The following TIPIN variants were observed in gnomAD, a reference collection of about 807,000 sequenced individuals.
The protein encoded by TIPIN is TIMELESS-interacting protein.
Under a neutral mutation model 35.6 loss-of-function variants are expected in TIPIN, and 29 were observed. That is an observed-to-expected ratio of 0.82 (90% CI 0.61 to 1.11). The LOEUF (loss-of-function observed/expected upper bound fraction) is 1.11, where lower values mean the gene tolerates loss of function less well. Ranked by LOEUF, TIPIN falls within the 50% of genes most tolerant of loss-of-function variation. TIPIN has a pLI of 0.00. For synonymous variants in TIPIN, 102 were observed against 121.5 expected, an observed-to-expected ratio of 0.84 and a Z score of 1.06; for missense variants, 296 against 345.4, an observed-to-expected ratio of 0.86 and a Z score of 1.13.
intron 2 of TIPIN, 123 bp from the exon 3 acceptor site, chr15:66,352,330 A>T: frequency 4.1e-6 from 3 of 724,096 alleles, no homozygotes; most frequent in Non-Finnish European, 6.7e-6. Flanking sequence ...ACAGGGTCTC[A>T]CTCTGTTGCC....
At chr15:66,344,814 C>A (rs1228656397) in intron 6 of TIPIN, among the ~76,000 whole-genome samples, 2 of 152,120 alleles carry the variant, frequency 1.3e-5, no homozygotes, top group Non-Finnish European at 2.9e-5. Context: ...GGCTGCAGAG[C>A]TATGATCATG....
At position 66,344,679 on chromosome 15, in the gene TIPIN, T is replaced by C. The variant is rs535486902; in HGVS notation, c.476-3323A>G. ...CAGCCTGCAAAACATAGGGAGACCCTTTCTCTACAAAAAAAAAAAGAAAAA... is the reference window on the plus strand; with the variant it reads ...CAGCCTGCAAAACATAGGGAGACCCCTTCTCTACAAAAAAAAAAAGAAAAA... On this transcript the variant is annotated intron_variant, in intron 6 of 7. Transcript: ENST00000261881. Among the ~76,000 whole-genome samples, 221 of 148,652 alleles carry C rather than the reference T, an allele frequency of 1.5e-3. 1 individual carries two copies. The highest frequency in any genetic ancestry group is 5.3e-3 in the African/African-American group (210 of 39,984).
chr15:66,342,121 C>T (rs28702664), intron 6 of TIPIN, among the ~76,000 whole-genome samples: 14,219 of 141,822 alleles, frequency 0.1, 875 homozygotes, highest in East Asian at 0.35. Context: ...ACCCGGGAGG[C>T]GGAGGCAGCA....
chr15:66,360,301 C>A (rs953786192), upstream of TIPIN, among the ~76,000 whole-genome samples: 10 of 152,000 alleles, frequency 6.6e-5, no homozygotes, highest in African/African-American at 2.4e-4. Flanking sequence ...ATGTTTCACC[C>A]TTTCAGAAAA....
chr15:66,355,178 C>G (rs1000582325), intron 1 of TIPIN, among the ~76,000 whole-genome samples: 1 of 151,566 alleles, frequency 6.6e-6, no homozygotes, highest in Non-Finnish European at 1.5e-5. Flanking sequence ...GGACTACAGG[C>G]GCCTGCCACC....
intron 1 of TIPIN, among the ~76,000 whole-genome samples, chr15:66,381,163 C>T (rs192513185): frequency 1.1e-4 from 16 of 152,134 alleles, no homozygotes; most frequent in East Asian, 3.9e-4. Flanking sequence ...CGGCCGGGCA[C>T]GGTGGCTCAC....
chr15:66,377,012 G>A lies in TIPIN; in HGVS notation c.-9+9595C>T, dbSNP rs566522125. On this transcript the variant is annotated intron_variant, in intron 1 of 7. Coordinates refer to the TIPIN transcript ENST00000562124. Reference sequence around the variant, plus strand: ...AATACCAGTTACTCAGAAGGCTGAGGCAGGAGAATCGCTTGAACCCGTGAG... The same window carrying A: ...AATACCAGTTACTCAGAAGGCTGAGACAGGAGAATCGCTTGAACCCGTGAG... Among the ~76,000 whole-genome samples, 20 of 149,570 alleles carry A rather than the reference G, an allele frequency of 1.3e-4. No homozygotes were observed. In the South Asian group the frequency reaches 3.8e-3, roughly 29 times the overall value.
At chr15:66,383,264 CA>C (rs931718507) in intron 1 of TIPIN, among the ~76,000 whole-genome samples, 1 of 144,814 alleles carries the variant, frequency 6.9e-6, no homozygotes, top group Non-Finnish European at 1.5e-5. Flanking sequence ...TGAAAAGTTT[CA>C]ATTTTTTTTT....
chr15:66,373,757 C>T (rs1377426726), intron 1 of TIPIN, among the ~76,000 whole-genome samples: 1 of 152,014 alleles, frequency 6.6e-6, no homozygotes, highest in African/African-American at 2.4e-5. Context: ...GAGTGGAGTG[C>T]AATAGTAGGA....
chr15:66,354,375 T>A (rs1184958580), intron 1 of TIPIN, among the ~76,000 whole-genome samples: 1 of 152,218 alleles, frequency 6.6e-6, no homozygotes, highest in African/African-American at 2.4e-5. Flanking sequence ...TTCCTTCCCC[T>A]ATCCCACAGA....
chr15:66,369,353 C>T (rs12898888), intron 1 of TIPIN, among the ~76,000 whole-genome samples: 8,009 of 118,604 alleles, frequency 0.068, 341 homozygotes, highest in Middle Eastern at 0.15. Context: ...TTCACAATAT[C>T]TTTTTTTTTT....
chr15:66,366,809 G>C, intron 1 of TIPIN: 1 of 964,224 alleles, frequency 1.0e-6, no homozygotes, highest in Non-Finnish European at 1.2e-6. Context: ...AAAAGAAAAA[G>C]AAAAGAAATT....
chr15:66,338,813 C>CAAAAAAAA (rs35966273), intron 7 of TIPIN, among the ~76,000 whole-genome samples: 4 of 35,260 alleles, frequency 1.1e-4, no homozygotes, highest in Non-Finnish European at 1.6e-4. Context: ...GACTCCGTCT[C>CAAAAAAAA]AAAAAAAAAA....
At position 66,341,355 on chromosome 15, in the gene TIPIN, A is replaced by C; in HGVS notation, c.477T>G (p.Asp159Glu). Reference sequence around the variant, plus strand: ...CATGTTCATTATTCTCCGCAACTTCATCTGCAATAGAAAAGAAATAGTACA... The same window carrying C: ...CATGTTCATTATTCTCCGCAACTTCCTCTGCAATAGAAAAGAAATAGTACA... Reference protein sequence around the residue: ...ILHEDFVSNNDEVAENNEHDV... With the variant: ...ILHEDFVSNNEEVAENNEHDV... Residue 159 changes from aspartate (D) to glutamate (E), a missense_variant and splice_region_variant, in exon 7 of 8, where the codon GAT becomes GAG. Physicochemically the swap from Asp to Glu is conservative, Grantham distance 45. Coordinates refer to ENST00000261881, the MANE Select transcript of TIPIN (RefSeq NM_017858.3). The C allele has an allele frequency of 6.2e-7, 1 of 1,609,818 alleles. No individual in the cohort carries two copies. Among genetic ancestry groups the C allele is most frequent in the Non-Finnish European group, 8.5e-7 (1 of 1,177,660 alleles).
At chr15:66,350,325 G>T (rs1005464802) in intron 4 of TIPIN, among the ~76,000 whole-genome samples, 1 of 152,082 alleles carries the variant, frequency 6.6e-6, no homozygotes, top group African/African-American at 2.4e-5. Context: ...AATAAAGTTG[G>T]CCAGGCGCAG....
chr15:66,353,595 G>A (rs1365014290), intron 1 of TIPIN, among the ~76,000 whole-genome samples: 3 of 144,074 alleles, frequency 2.1e-5, no homozygotes, highest in Admixed American at 7.0e-5. Flanking sequence ...CAGCCTGGGC[G>A]ACAGACCAAC....
chr15:66,359,154 AACACACACACACACACACAGACACAC>A (rs1429506612), upstream of TIPIN, among the ~76,000 whole-genome samples: 3 of 134,856 alleles, frequency 2.2e-5, no homozygotes, highest in Admixed American at 7.4e-5. Flanking sequence ...CCTGTCTCAA[AACACACACACACACACACAGACACAC>A]ACACACACAC....
chr15:66,369,353 CTTTTT>C (rs59189335), intron 1 of TIPIN, among the ~76,000 whole-genome samples: 3 of 118,610 alleles, frequency 2.5e-5, no homozygotes, highest in Admixed American at 1.0e-4. Flanking sequence ...TTCACAATAT[CTTTTT>C]TTTTTTTTTT....
intron 2 of TIPIN, 117 bp from the exon 3 acceptor site, chr15:66,352,324 G>A: frequency 1.3e-6 from 1 of 758,176 alleles, no homozygotes; most frequent in Non-Finnish European, 2.1e-6. Flanking sequence ...TTTGAAACAG[G>A]GTCTCACTCT....
Sources: allele counts gnomAD v4.1 joint callset (sites outside exome capture counted in the v4.1 genomes callset), GRCh38; gene constraint gnomAD v4.1.1; transcripts MANE v1.5; gene names NCBI Gene and HGNC (gene_info 2026-07-23, HGNC 2026-07-21).